The following TNRC6B variants were observed in gnomAD, a reference collection of about 807,000 sequenced individuals.
TNRC6B encodes trinucleotide repeat-containing gene 6B protein.
In TNRC6B, 52 loss-of-function variants were observed where a neutral mutation model predicts 203.6. The observed-to-expected ratio is 0.26, with a 90% CI of 0.20 to 0.32. The LOEUF (loss-of-function observed/expected upper bound fraction) is 0.32, where lower values mean the gene tolerates loss of function less well. Among genes scored for constraint, TNRC6B ranks in the 10% least tolerant of loss-of-function variants. The probability of loss-of-function intolerance (pLI) is 1.00; values close to 1 mark genes in which losing one functional copy is unlikely to be tolerated. For missense variants in TNRC6B, 1,923 were observed against 2,286.2 expected, an observed-to-expected ratio of 0.84 and a Z score of 3.24; for synonymous variants, 838 against 845.7, an observed-to-expected ratio of 0.99 and a Z score of 0.16.
At chr22:40,049,287 A>G (rs1389931820) in intron 1 of TNRC6B, among the ~76,000 whole-genome samples, 6 of 151,772 alleles carry the variant, frequency 4.0e-5, no homozygotes, top group African/African-American at 1.5e-4. Context: ...TCAGCCTCCC[A>G]AAGTGCTAGG....
intron 1 of TNRC6B, among the ~76,000 whole-genome samples, chr22:40,066,545 A>G (rs1327087725): frequency 2.0e-5 from 3 of 152,088 alleles, no homozygotes; most frequent in Non-Finnish European, 4.4e-5. Context: ...ATACTGTTTG[A>G]GGTCCAAAAT....
At chr22:40,119,357 G>T (rs766571086) in intron 2 of TNRC6B, among the ~76,000 whole-genome samples, 15 of 152,214 alleles carry the variant, frequency 9.9e-5, no homozygotes, top group Non-Finnish European at 1.9e-4. Context: ...GCCTAGGCGG[G>T]CGGATCACTT....
chr22:40,150,340 T>C (rs1257429888), intron 3 of TNRC6B, among the ~76,000 whole-genome samples: 4 of 152,194 alleles, frequency 2.6e-5, no homozygotes, highest in African/African-American at 9.6e-5. Flanking sequence ...ATCGTGCCAC[T>C]GCACCCCAGC....
At position 40,146,714 on chromosome 22, in the gene TNRC6B, C is replaced by G. The variant is rs2068698674; in HGVS notation, c.46-9401C>G. The stretch of plus-strand genomic sequence containing the variant: ...AACTGGGATTACAGGCGCCCGCCGC[C>G]ATGCCTGGCTAATTTTTTGTGTGTG... On this transcript the variant is annotated intron_variant, in intron 3 of 23. Transcript: ENST00000301923. Among the ~76,000 whole-genome samples, 8 of 152,248 alleles carry G rather than the reference C, an allele frequency of 5.3e-5. No individual in the cohort carries two copies. The South Asian group carries it at 1.7e-3, about 32-fold the overall frequency.
rs183149150 is a variant in TNRC6B, at chr22:40,083,088, G to A, written c.-120-33967G>A. 4.6e-3 allele frequency among the ~76,000 whole-genome samples: 706 copies of A among 152,306 alleles called. 10 individuals are homozygous for A. Among genetic ancestry groups the A allele is most frequent in the Non-Finnish European group, 7.0e-3 (477 of 68,022 alleles). The stretch of plus-strand genomic sequence containing the variant: ...ATGGAGAATATTGTTTAAGGAGAAA[G>A]TAAAGAGAAGGGGGTTTGATATTAA... On this transcript the variant is annotated intron_variant, in intron 1 of 23. Coordinates refer to the TNRC6B transcript ENST00000301923.
At position 40,271,758 on chromosome 22, in the gene TNRC6B, T is replaced by C. The variant is rs1010187029; in HGVS notation, c.2965+1478T>C. Among the ~76,000 whole-genome samples the C allele has an allele frequency of 4.6e-5, 7 of 152,332 alleles. No individual in the cohort carries two copies. The South Asian group carries it at 1.4e-3, about 32-fold the overall frequency. ...ACCACTTTTCCTCAGATTCTAAAAA[T>C]GTCTTCTACTCTTCAGGATCATCTG... is the stretch of plus-strand genomic sequence containing the variant. On this transcript the variant is annotated intron_variant, in intron 6 of 22. Transcript: ENST00000454349.
chr22:40,233,400 G>T (rs1285372725), intron 1 of TNRC6B, among the ~76,000 whole-genome samples: 1 of 151,824 alleles, frequency 6.6e-6, no homozygotes, highest in Admixed American at 6.6e-5. Flanking sequence ...GAGGAGGGTG[G>T]ATCACAAGGT....
intron 1 of TNRC6B, among the ~76,000 whole-genome samples, chr22:40,071,773 TGG>T (rs2067950442): frequency 2.0e-5 from 3 of 152,236 alleles, no homozygotes; most frequent in Admixed American, 6.5e-5. Context: ...ATTATGGAGA[TGG>T]CCTTTTCTGT....
At chr22:40,106,301 A>G in intron 1 of TNRC6B, 5 of 721,996 alleles carry the variant, frequency 6.9e-6, no homozygotes, top group Non-Finnish European at 1.2e-5. Flanking sequence ...GCTTAGAAAA[A>G]TAATCATGGT....
Position 40,177,979 on chromosome 22 carries a change from T to C in TNRC6B, c.-157T>C. On this transcript the variant is annotated 5_prime_UTR_variant, in exon 1 of 23. Transcript: ENST00000454349. The stretch of plus-strand genomic sequence containing the variant: ...GGGAGAGTGTGTGAGAGAGAGTTAG[T>C]TCAAGCCAAAATGGCCGACAGAGTC... 6.7e-7 allele frequency: 1 copy of C among 1,484,914 alleles called. No individual in the cohort carries two copies. Among genetic ancestry groups the C allele is most frequent in the Non-Finnish European group, 8.9e-7 (1 of 1,125,214 alleles). 92.0% of individuals were successfully genotyped at this position (1,484,914 alleles called of 1,614,324 possible).
chr22:40,104,005 C>G (rs1406940052), intron 1 of TNRC6B, among the ~76,000 whole-genome samples: 1 of 150,570 alleles, frequency 6.6e-6, no homozygotes, highest in East Asian at 2.0e-4. Flanking sequence ...GTATTCCCAG[C>G]ACTTTGGGAG....
chr22:40,052,936 T>G (rs1253956256), intron 1 of TNRC6B, among the ~76,000 whole-genome samples: 1 of 152,228 alleles, frequency 6.6e-6, no homozygotes, highest in Non-Finnish European at 1.5e-5. Context: ...GCTTTGTCTT[T>G]CTAGTTAGAA....
upstream of TNRC6B, among the ~76,000 whole-genome samples, chr22:40,174,557 C>A (rs1357847913): frequency 2.0e-5 from 3 of 152,096 alleles, no homozygotes; most frequent in Non-Finnish European, 4.4e-5. Flanking sequence ...AGATAACAGT[C>A]ATTTGAATGT....
At chr22:40,050,757 G>A (rs1042027091) in intron 1 of TNRC6B, among the ~76,000 whole-genome samples, 3 of 151,850 alleles carry the variant, frequency 2.0e-5, no homozygotes, top group Non-Finnish European at 4.4e-5. Flanking sequence ...GTAAATATTT[G>A]TAGGCTGTGT....
chr22:40,140,095 A>G (rs1198609114), intron 3 of TNRC6B, among the ~76,000 whole-genome samples: 1 of 152,190 alleles, frequency 6.6e-6, no homozygotes, highest in Non-Finnish European at 1.5e-5. Context: ...ACTGAATTAC[A>G]TTAGTCTTCT....
chr22:40,194,197 A>T (rs1244224023), intron 1 of TNRC6B, among the ~76,000 whole-genome samples: 1 of 152,154 alleles, frequency 6.6e-6, no homozygotes, highest in Admixed American at 6.5e-5. Context: ...GGGTTGGAGG[A>T]GGTGGGAATT....
intron 4 of TNRC6B, among the ~76,000 whole-genome samples, chr22:40,156,765 T>C (rs1456031742): frequency 6.6e-6 from 1 of 150,656 alleles, no homozygotes; most frequent in Non-Finnish European, 1.5e-5. Context: ...GTTTTTTTTT[T>C]TTTTTTTTCT....
chr22:40,170,285 A>G lies in TNRC6B; in HGVS notation c.113+14103A>G, dbSNP rs947371233. On this transcript the variant is annotated intron_variant, in intron 4 of 23. Coordinates refer to the TNRC6B transcript ENST00000301923. Reference sequence around the variant, plus strand: ...AGGGCGAAACCCTATCTCAAGGGGGAAAAAAATATATATATATAATATATA... The same window carrying G: ...AGGGCGAAACCCTATCTCAAGGGGGGAAAAAATATATATATATAATATATA... Among the ~76,000 whole-genome samples, 5 of 128,864 alleles carry G rather than the reference A, an allele frequency of 3.9e-5. No individual in the cohort carries two copies. The South Asian group carries it at 1.1e-3, about 29-fold the overall frequency. 84.5% of individuals were successfully genotyped at this position (128,864 alleles called of 152,430 possible). A position where few individuals can be genotyped will look rare whatever the true frequency, so the allele number is the denominator to read the frequency against.
intron 4 of TNRC6B, among the ~76,000 whole-genome samples, chr22:40,166,894 C>CA (rs567105023): frequency 0.69 from 93,695 of 136,404 alleles, 32,160 homozygotes; most frequent in African/African-American, 0.88. Flanking sequence ...GACTTTGTCT[C>CA]AAAAAAAAAA....
Sources: gnomAD v4.1 joint callset for allele counts (sites outside exome capture counted in the v4.1 genomes callset) on GRCh38, gnomAD v4.1.1 for gene constraint, MANE v1.5 for transcripts, NCBI Gene and HGNC (gene_info 2026-07-23, HGNC 2026-07-21) for gene names.